Variants in RDX observed in about 807,000 individuals in gnomAD.
RDX encodes radixin.
Under a neutral mutation model 83.7 loss-of-function variants are expected in RDX, and 32 were observed. That is an observed-to-expected ratio of 0.38 (90% CI 0.29 to 0.51). The LOEUF (loss-of-function observed/expected upper bound fraction) is 0.51. Ranked by LOEUF, RDX falls within the 20% of genes least tolerant of loss-of-function variation. The pLI, the probability that RDX is intolerant of heterozygous loss-of-function variation, is 0.87. For synonymous variants in RDX, 229 were observed against 222.7 expected (o/e 1.03, Z -0.25); for missense variants, 600 against 689.9 (o/e 0.87, Z 1.46).
Position 110,231,130 on chromosome 11 carries a change from G to C in RDX, c.*739C>G, listed in dbSNP as rs1405021380. ...CTGCTGTCTAAACCTCTGTGAAATG[G>C]TAGGCAAAAAAAGCCATCAAAGGAT... On this transcript the variant is annotated 3_prime_UTR_variant, in exon 14 of 14. Coordinates refer to ENST00000645495, the MANE Select transcript of RDX (RefSeq NM_002906.4). 2 of 152,224 alleles carry C rather than the reference G, an allele frequency of 1.3e-5. No individual in the cohort carries two copies. The highest frequency in any genetic ancestry group is 2.9e-5 in the Non-Finnish European group (2 of 68,006). 9.4% of individuals were successfully genotyped at this position (152,224 alleles called of 1,614,324 possible).
intron 14 of RDX, among the ~76,000 whole-genome samples, chr11:110,203,177 C>G (rs1485238827): frequency 1.3e-5 from 2 of 151,986 alleles, no homozygotes; most frequent in African/African-American, 4.8e-5. Flanking sequence ...ACTATTCAGC[C>G]ATAAAGAATA....
intron 15 of RDX, among the ~76,000 whole-genome samples, chr11:110,193,502 TA>T (rs1356715348): frequency 0.041 from 6,218 of 151,848 alleles, 425 homozygotes; most frequent in African/African-American, 0.14. Context: ...CCTACACATG[TA>T]CACCCTACAT....
intron 1 of RDX, among the ~76,000 whole-genome samples, chr11:110,289,956 CAAAAAA>C (rs58146009): frequency 5.6e-4 from 20 of 35,486 alleles, no homozygotes; most frequent in Non-Finnish European, 8.9e-4. Context: ...GAGACTGTCT[CAAAAAA>C]AAAAAAAAAA....
chr11:110,194,404 G>A (rs574538085), intron 15 of RDX, among the ~76,000 whole-genome samples: 1 of 152,192 alleles, frequency 6.6e-6, no homozygotes, highest in Non-Finnish European at 1.5e-5. Context: ...ATTTTTAGTA[G>A]AGACGGGGTT....
intron 1 of RDX, among the ~76,000 whole-genome samples, chr11:110,292,045 C>T (rs1335920799): frequency 6.6e-6 from 1 of 152,122 alleles, no homozygotes; most frequent in Admixed American, 6.5e-5. Context: ...GTAATCCCAG[C>T]ACACTGGGAG....
At chr11:110,215,049 A>AATATATAT (rs572205859) in intron 14 of RDX, among the ~76,000 whole-genome samples, 3 of 97,270 alleles carry the variant, frequency 3.1e-5, no homozygotes, top group African/African-American at 7.3e-5. Context: ...AAAAAAAAAA[A>AATATATAT]ATATATATAT....
chr11:110,180,192 G>A (rs566068219), intron 15 of RDX, among the ~76,000 whole-genome samples: 11 of 152,244 alleles, frequency 7.2e-5, no homozygotes, highest in African/African-American at 2.6e-4. Flanking sequence ...ATGAGCCATG[G>A]CGCCTGGCCC....
intron 11 of RDX, among the ~76,000 whole-genome samples, chr11:110,237,017 T>C (rs1215250553): frequency 6.6e-6 from 1 of 151,534 alleles, no homozygotes; most frequent in Non-Finnish European, 1.5e-5. Flanking sequence ...AAATCCAGGA[T>C]CTTTTAAGTG....
chr11:110,255,668 C>T (rs1039551363), intron 7 of RDX, among the ~76,000 whole-genome samples: 1 of 152,066 alleles, frequency 6.6e-6, no homozygotes, highest in Non-Finnish European at 1.5e-5. Flanking sequence ...AAGTGTAGAA[C>T]TGAGCCTCCT....
At chr11:110,281,219 T>C (rs982834645) in intron 1 of RDX, among the ~76,000 whole-genome samples, 3 of 152,122 alleles carry the variant, frequency 2.0e-5, no homozygotes, top group Non-Finnish European at 4.4e-5. Flanking sequence ...ATTCTCTAAG[T>C]TGTAATAAAA....
chr11:110,296,468 C>G lies in RDX; in HGVS notation c.-66G>C, dbSNP rs1861469513. On this transcript the variant is annotated splice_region_variant and 5_prime_UTR_variant, in exon 1 of 14. Coordinates refer to ENST00000645495, the MANE Select transcript of RDX (RefSeq NM_002906.4). ...GGAAGGGAGGGCGCCGCGCCTTACC[C>G]GGAGAGCGGGCGGCTTCTGCCCGCC... 1 of 151,426 alleles carries G rather than the reference C, an allele frequency of 6.6e-6. No homozygotes were observed. The highest frequency in any genetic ancestry group is 1.5e-5 in the Non-Finnish European group (1 of 67,778). The allele number at this position is 151,426 out of a possible 1,614,324, so 9.4% of individuals were successfully genotyped here.
chr11:110,221,345 C>A (rs1864240252), intron 14 of RDX, among the ~76,000 whole-genome samples: 3 of 152,182 alleles, frequency 2.0e-5, no homozygotes, highest in Admixed American at 2.0e-4. Context: ...TGCCTGTAAT[C>A]CCAGCACTTT....
At chr11:110,255,604 C>T (rs1290296453) in intron 7 of RDX, among the ~76,000 whole-genome samples, 2 of 152,146 alleles carry the variant, frequency 1.3e-5, no homozygotes, top group East Asian at 1.9e-4. Context: ...GTGTCATGAA[C>T]CTTAAAAGCA....
At chr11:110,184,462 G>C (rs1022023019) in intron 15 of RDX, among the ~76,000 whole-genome samples, 14 of 152,160 alleles carry the variant, frequency 9.2e-5, no homozygotes, top group Non-Finnish European at 1.8e-4. Flanking sequence ...CAAATGAACA[G>C]AGAGCAAGGC....
chr11:110,268,598 T>C (rs755950402), intron 3 of RDX, among the ~76,000 whole-genome samples: 6 of 152,078 alleles, frequency 3.9e-5, no homozygotes, highest in African/African-American at 9.7e-5. Context: ...CTCTGTGAGA[T>C]TCACAATGGT....
At chr11:110,258,867 CTTT>C (rs11421586) in intron 5 of RDX, among the ~76,000 whole-genome samples, 2 of 94,610 alleles carry the variant, frequency 2.1e-5, no homozygotes, top group African/African-American at 8.5e-5. Flanking sequence ...CAAATACATT[CTTT>C]TTTTTTTTTT....
intron 2 of RDX, among the ~76,000 whole-genome samples, chr11:110,276,518 T>C (rs941720702): frequency 2.0e-5 from 3 of 152,216 alleles, no homozygotes; most frequent in African/African-American, 4.8e-5. Context: ...CTTTACAAAA[T>C]ACACCATTTA....
intron 1 of RDX, among the ~76,000 whole-genome samples, chr11:110,288,798 A>G (rs1249820490): frequency 6.6e-6 from 1 of 152,232 alleles, no homozygotes; most frequent in African/African-American, 2.4e-5. Flanking sequence ...TTGTTGGTGA[A>G]TTAATCTTAC....
intron 15 of RDX, among the ~76,000 whole-genome samples, chr11:110,182,220 G>T (rs1198990309): frequency 6.6e-6 from 1 of 152,230 alleles, no homozygotes; most frequent in Non-Finnish European, 1.5e-5. Context: ...GGAAGAGGTG[G>T]AGCTCCAGGA....
Sources: gnomAD v4.1 joint callset for allele counts (sites outside exome capture counted in the v4.1 genomes callset) on GRCh38, gnomAD v4.1.1 for gene constraint, MANE v1.5 for transcripts, NCBI Gene and HGNC (gene_info 2026-07-23, HGNC 2026-07-21) for gene names.